KIF1A: variants seen among roughly 807,000 people sequenced by gnomAD.
The protein encoded by KIF1A is kinesin family member 1A.
Under a neutral mutation model 227.3 loss-of-function variants are expected in KIF1A, and 46 were observed. The observed-to-expected ratio is 0.20, with a 90% confidence interval of 0.16 to 0.26. The LOEUF is 0.26. Among genes scored for constraint, KIF1A ranks in the 10% least tolerant of loss-of-function variants. The pLI, the probability that KIF1A is intolerant of heterozygous loss-of-function variation, is 1.00. For synonymous variants in KIF1A, 1,022 were observed against 1,012.8 expected, an observed-to-expected ratio of 1.01 and a Z score of -0.17; for missense variants, 1,683 against 2,485.9, an observed-to-expected ratio of 0.68 and a Z score of 6.87.
chr2:240,736,246 G>A lies in KIF1A; in HGVS notation c.4007+817C>T, dbSNP rs1421236199. On this transcript the variant is annotated intron_variant, in intron 38 of 48. Transcript: ENST00000498729. This position sits in a 1 kb window ranked among gnomAD's most constrained non-coding sequence, Gnocchi z 4.7. ...CAAACACAGCCATGGAGACACCTGC[G>A]GCTTCAGCTCTGAGGGTCCACTCTG... 5.9e-5 allele frequency among the ~76,000 whole-genome samples: 9 copies of A among 152,122 alleles called. No individual in the cohort carries two copies. Among genetic ancestry groups the A allele is most frequent in the Non-Finnish European group, 8.8e-5 (6 of 68,018 alleles).
At chr2:240,762,228 C>T (rs1285105811) in intron 23 of KIF1A, among the ~76,000 whole-genome samples, 1 of 152,260 alleles carries the variant, frequency 6.6e-6, no homozygotes, top group Middle Eastern at 3.2e-3. Flanking sequence ...GCCACCTCTG[C>T]CCACAGCTGC....
At chr2:240,814,386 T>C (rs191614984) in intron 1 of KIF1A, among the ~76,000 whole-genome samples, 102 of 152,036 alleles carry the variant, frequency 6.7e-4, no homozygotes, top group African/African-American at 2.4e-3. Context: ...GAAAGCTACT[T>C]AGGAACAGAA....
chr2:240,809,021 C>T (rs533945042), intron 1 of KIF1A, among the ~76,000 whole-genome samples: 4 of 152,308 alleles, frequency 2.6e-5, no homozygotes, highest in South Asian at 4.1e-4. Flanking sequence ...TAAGCCACCA[C>T]GCCCAGCCGT....
intron 27 of KIF1A, among the ~76,000 whole-genome samples, chr2:240,753,612 C>G (rs1248905149): frequency 1.3e-5 from 2 of 152,156 alleles, no homozygotes; most frequent in Non-Finnish European, 2.9e-5. Flanking sequence ...CCCTAGGGGC[C>G]AAGCACAGTG....
chr2:240,721,002 A>G lies in KIF1A; in HGVS notation c.4780T>C (p.Ser1594Pro). 1.2e-6 allele frequency: 2 copies of G among 1,611,040 alleles called. No homozygotes were observed. Among genetic ancestry groups the G allele is most frequent in the East Asian group, 4.5e-5 (2 of 44,844 alleles). The change falls in exon 45 of 49, where the codon TCG (serine) becomes CCG (proline). Residue 1594 changes from serine to proline, a missense_variant. By Grantham distance (74) the Ser-to-Pro change is moderately conservative (BLOSUM62 -1). Around this residue, in one of 12 missense-constraint regions of KIF1A, gnomAD observed 384 missense variants for 410.1 expected, o/e 0.94. Coordinates refer to ENST00000498729, the MANE Select transcript of KIF1A (RefSeq NM_001244008.2). ...EMSVTLLRDP[S>P]MSPLGVATLT... ...GTGGCCACCCCTAGAGGGGACATCGACGGGTCCCGGAGCAGGGTGACAGAC... is the reference window on the plus strand; with the variant it reads ...GTGGCCACCCCTAGAGGGGACATCGGCGGGTCCCGGAGCAGGGTGACAGAC...
Position 240,782,979 on chromosome 2 carries a change from G to A in KIF1A, c.864+65C>T, listed in dbSNP as rs1182545309. ...CAGGGCCCGGAAACGAGGGTGACAG[G>A]GGCAGGATGGGGCGCCAAAGACCCT... On this transcript the variant is annotated intron_variant, in intron 9 of 48. Coordinates refer to ENST00000498729, the MANE Select transcript of KIF1A (RefSeq NM_001244008.2). 4 of 1,296,752 alleles carry A rather than the reference G, an allele frequency of 3.1e-6. No homozygotes were observed. The African/African-American group carries it at 4.4e-5, about 14-fold the overall frequency. 80.3% of individuals were successfully genotyped at this position (1,296,752 alleles called of 1,614,324 possible).
intron 37 of KIF1A, 115 bp from the exon 38 acceptor site, chr2:240,737,283 C>A: frequency 1.2e-6 from 1 of 807,768 alleles, no homozygotes; most frequent in Non-Finnish European, 2.2e-6. Flanking sequence ...GTCACTAGAG[C>A]GTCTGTCAAA....
chr2:240,808,132 G>A (rs1289343054), intron 1 of KIF1A, among the ~76,000 whole-genome samples: 1 of 152,286 alleles, frequency 6.6e-6, no homozygotes, highest in Non-Finnish European at 1.5e-5. Flanking sequence ...TAACATTGTA[G>A]GAGAGGTTCT....
Position 240,775,739 on chromosome 2 carries a change from C to A in KIF1A, c.958+112G>T, listed in dbSNP as rs191922515. Reference sequence around the variant, plus strand: ...TCCAGGTTCACCTCCCAGCCTCAGCCCAGAAAGGGTGAGAGGCCTGCTGGC... The same window carrying A: ...TCCAGGTTCACCTCCCAGCCTCAGCACAGAAAGGGTGAGAGGCCTGCTGGC... On this transcript the variant is annotated intron_variant, in intron 11 of 48. Transcript: ENST00000498729. This position sits in a 1 kb window ranked among gnomAD's most constrained non-coding sequence, Gnocchi z 5.5. The A allele has an allele frequency of 1.1e-3, 837 of 746,984 alleles. 1 individual carries two copies. Among genetic ancestry groups the A allele is most frequent in the Non-Finnish European group, 1.7e-3 (704 of 418,686 alleles). The allele number at this position is 746,984 out of a possible 1,614,324, so 46.3% of individuals were successfully genotyped here.
intron 40 of KIF1A, chr2:240,724,926 A>G (rs1249203254): frequency 1.1e-5 from 1 of 93,488 alleles, no homozygotes; most frequent in Non-Finnish European, 1.8e-5. Flanking sequence ...GAAGAAGGTC[A>G]CCGGCGGCGG....
At position 240,797,823 on chromosome 2, in the gene KIF1A, A is replaced by G; in HGVS notation, c.-60-11T>C. On this transcript the variant is annotated splice_polypyrimidine_tract_variant and intron_variant, in intron 1 of 48. Coordinates refer to ENST00000498729, the MANE Select transcript of KIF1A (RefSeq NM_001244008.2). Reference sequence around the variant, plus strand: ...GTGTGGGGGGAACACCTTGGAAAAAAGGGAAACATGAATTAGAAACAATAT... The same window carrying G: ...GTGTGGGGGGAACACCTTGGAAAAAGGGGAAACATGAATTAGAAACAATAT... 2 of 915,808 alleles carry G rather than the reference A, an allele frequency of 2.2e-6. No individual in the cohort carries two copies. Among genetic ancestry groups the G allele is most frequent in the Non-Finnish European group, 3.4e-6 (2 of 591,692 alleles). 56.7% of individuals were successfully genotyped at this position (915,808 alleles called of 1,614,324 possible). A position where few individuals can be genotyped will look rare whatever the true frequency, so the allele number is the denominator to read the frequency against.
rs905923108 is a variant in KIF1A, at chr2:240,726,339, G to A, written c.4122+487C>T. Among the ~76,000 whole-genome samples, 3 of 152,312 alleles carry A rather than the reference G, an allele frequency of 2.0e-5. No homozygotes were observed. Among genetic ancestry groups the A allele is most frequent in the African/African-American group, 4.8e-5 (2 of 41,568 alleles). ...TTAAAAGCACATGGAGGATGGGTGC[G>A]GTGGCTCACACCTGTAATCCCAGCA... On this transcript the variant is annotated intron_variant, in intron 39 of 48. Transcript: ENST00000498729. This position sits in a 1 kb window ranked among gnomAD's most constrained non-coding sequence, Gnocchi z 5.2.
At chr2:240,718,888 G>A (rs369347257) in intron 47 of KIF1A, 118 bp downstream of exon 47, 2 of 795,612 alleles carry the variant, frequency 2.5e-6, no homozygotes, top group Non-Finnish European at 2.0e-6. Context: ...GGAACAGGAC[G>A]GAGTCTGGGG....
intron 1 of KIF1A, among the ~76,000 whole-genome samples, chr2:240,800,932 T>C (rs866801118): frequency 6.6e-6 from 1 of 152,166 alleles, no homozygotes; most frequent in African/African-American, 2.4e-5. Context: ...CCTCGCTTGG[T>C]TTAATTCGGA....
chr2:240,789,568 C>T lies in KIF1A; in HGVS notation c.107-256G>A, dbSNP rs2055390028. ...CCTGCAAGGCTCTGTGTCATTCTCC[C>T]GCCAAATGCAACTGGCTCCCCTCAA... On this transcript the variant is annotated intron_variant, in intron 2 of 48. Coordinates refer to ENST00000498729, the MANE Select transcript of KIF1A (RefSeq NM_001244008.2). The surrounding 1 kb of genome is among the most constrained non-coding windows in gnomAD (Gnocchi z 4.8). 6.6e-6 allele frequency among the ~76,000 whole-genome samples: 1 copy of T among 152,138 alleles called. No individual in the cohort carries two copies. The highest frequency in any genetic ancestry group is 2.4e-5 in the African/African-American group (1 of 41,442).
chr2:240,798,681 A>C (rs2056667795), intron 1 of KIF1A, among the ~76,000 whole-genome samples: 1 of 152,218 alleles, frequency 6.6e-6, no homozygotes, highest in African/African-American at 2.4e-5. Flanking sequence ...CGAAGCAGCC[A>C]CTGTGAAAGG....
intron 15 of KIF1A, among the ~76,000 whole-genome samples, chr2:240,769,969 C>T (rs1252236555): frequency 3.3e-5 from 5 of 152,200 alleles, no homozygotes; most frequent in Non-Finnish European, 7.3e-5. Context: ...TTCTGAGCCT[C>T]GGCTCCTAAA....
intron 1 of KIF1A, among the ~76,000 whole-genome samples, chr2:240,812,237 A>C (rs1323533401): frequency 2.0e-5 from 3 of 152,246 alleles, no homozygotes; most frequent in Middle Eastern, 3.4e-3. Flanking sequence ...CAGCAGAAAA[A>C]GCCAAGTCCC....
chr2:240,751,715 C>A (rs2049230861), intron 27 of KIF1A, among the ~76,000 whole-genome samples: 1 of 152,172 alleles, frequency 6.6e-6, no homozygotes, highest in African/African-American at 2.4e-5. Flanking sequence ...GACACTCAAG[C>A]TCCTTGCAGG....
Sources: allele counts gnomAD v4.1 joint callset (sites outside exome capture counted in the v4.1 genomes callset), GRCh38; gene constraint gnomAD v4.1.1; regional missense constraint gnomAD v4.1.1; non-coding constraint Gnocchi (gnomAD v3.1); transcripts MANE v1.5; gene names NCBI Gene and HGNC (gene_info 2026-07-23, HGNC 2026-07-21).